LRRC66: variants seen among roughly 807,000 people sequenced by gnomAD.
The protein encoded by LRRC66 is leucine rich repeat containing 66.
A neutral mutation model predicts 24.6 loss-of-function variants in LRRC66; 29 were observed. That is an observed-to-expected ratio of 1.18 (90% CI 0.88 to 1.61). LRRC66 has a LOEUF of 1.61. Among genes scored for constraint, LRRC66 ranks in the 40% most tolerant of loss-of-function variants. LRRC66 has a pLI of 0.00. For missense variants in LRRC66, 1,124 were observed against 1,058.0 expected, an observed-to-expected ratio of 1.06 and a Z score of -0.87; for synonymous variants, 411 against 397.6, an observed-to-expected ratio of 1.03 and a Z score of -0.40.
At chr4:52,016,440 G>A (rs1268611618) in intron 2 of LRRC66, among the ~76,000 whole-genome samples, 1 of 152,036 alleles carries the variant, frequency 6.6e-6, no homozygotes, top group Non-Finnish European at 1.5e-5. Context: ...ATATAAAAAG[G>A]GCAAAGGAAG....
chr4:52,001,734 TC>T (rs1736452319), intron 3 of LRRC66, among the ~76,000 whole-genome samples: 1 of 152,234 alleles, frequency 6.6e-6, no homozygotes, highest in African/African-American at 2.4e-5. Context: ...AAGGCCACGC[TC>T]CCCATCACTG....
chr4:52,018,726 G>T, intron 1 of LRRC66: 1 of 453,242 alleles, frequency 2.2e-6, no homozygotes, highest in Non-Finnish European at 2.9e-6. Context: ...GGTATTCAAA[G>T]CCTGTGTTAT....
At chr4:52,002,523 G>C (rs1340965705) in intron 3 of LRRC66, among the ~76,000 whole-genome samples, 1 of 152,156 alleles carries the variant, frequency 6.6e-6, no homozygotes, top group East Asian at 1.9e-4. Context: ...GAAGCTGCCA[G>C]ACCTGGAACA....
rs549136720 is a variant in LRRC66, at chr4:52,014,708, G to C, written c.496+2410C>G. Among the ~76,000 whole-genome samples, 24 of 152,324 alleles carry C rather than the reference G, an allele frequency of 1.6e-4. No individual in the cohort carries two copies. The East Asian group carries it at 4.2e-3, about 27-fold the overall frequency. ...AAATTGTTAGAGGAGACTCAACCTAGTGAAAACTAATATGATGATTATGGG... is the reference window on the plus strand; with the variant it reads ...AAATTGTTAGAGGAGACTCAACCTACTGAAAACTAATATGATGATTATGGG... On this transcript the variant is annotated intron_variant, in intron 2 of 4. Transcript: ENST00000682860.
chr4:52,001,956 T>C (rs140783315), intron 3 of LRRC66, among the ~76,000 whole-genome samples: 2 of 152,340 alleles, frequency 1.3e-5, no homozygotes, highest in African/African-American at 4.8e-5. Context: ...ACTTATTCAT[T>C]TAACAAGTAT....
rs569828058 is a variant in LRRC66 at position 51,997,886 on chromosome 4, T to C, written c.718A>G (p.Ile240Val). The C allele has an allele frequency of 6.2e-7, 1 of 1,614,144 alleles. No individual in the cohort carries two copies. The highest frequency in any genetic ancestry group is 2.2e-5 in the East Asian group (1 of 44,862). ...ACTAGATGGGGAAATTCTAGAGCTA[T>C]GATCATCATTGGTAGGATGGTAATC... Reference protein sequence around the residue: ...ALITILPMMIIALEFPHLVVD... With the variant: ...ALITILPMMIVALEFPHLVVD... Residue 240 changes from isoleucine (I) to valine (V), a missense_variant, in exon 4 of 5, where the codon ATA becomes GTA. Ile to Val is a conservative substitution (Grantham distance 29, BLOSUM62 3). Transcript: ENST00000682860.
rs749796479 is a variant in LRRC66 at position 51,995,527 on chromosome 4, T to C, written c.1495A>G (p.Ser499Gly). ...GQCGDNTGAG[S>G]GNDGAVYSIL... ...GAATAGACTGCACCATCATTTCCAC[T>C]TCCTGCCCCGGTGTTGTCCCCGCAC... The change falls in exon 5 of 5, where the codon AGT becomes GGT. Residue 499 changes from serine (S) to glycine (G), a missense_variant. By Grantham distance (56) the Ser-to-Gly change is moderately conservative (BLOSUM62 0). Coordinates refer to ENST00000682860, the MANE Select transcript of LRRC66 (RefSeq NM_001024611.3). 2.3e-5 allele frequency: 37 copies of C among 1,614,054 alleles called. No individual in the cohort carries two copies. In the South Asian group the frequency reaches 3.6e-4, roughly 16 times the overall value.
At chr4:52,004,859 A>G (rs1736538002) in intron 2 of LRRC66, among the ~76,000 whole-genome samples, 1 of 152,240 alleles carries the variant, frequency 6.6e-6, no homozygotes, top group South Asian at 2.1e-4. Flanking sequence ...ATTATGGGCA[A>G]GGCAGTCGGT....
At chr4:52,009,819 A>C (rs1736662200) in intron 2 of LRRC66, among the ~76,000 whole-genome samples, 1 of 152,160 alleles carries the variant, frequency 6.6e-6, no homozygotes, top group South Asian at 2.1e-4. Flanking sequence ...AAGAGGAATA[A>C]ATATCTCCCA....
chr4:52,001,767 A>C (rs2110195340), intron 3 of LRRC66, among the ~76,000 whole-genome samples: 1 of 152,302 alleles, frequency 6.6e-6, no homozygotes, highest in Non-Finnish European at 1.5e-5. Flanking sequence ...TCCCTTCTAC[A>C]GAAGAGGGAC....
chr4:51,997,699 C>G (rs923810118), intron 4 of LRRC66, 49 bp downstream of exon 4: 7 of 1,515,804 alleles, frequency 4.6e-6, no homozygotes, highest in Non-Finnish European at 5.5e-6. Context: ...TGTCTATGTG[C>G]ATTTTTCATT....
chr4:52,000,142 GA>G, intron 3 of LRRC66, among the ~76,000 whole-genome samples: 1 of 152,148 alleles, frequency 6.6e-6, no homozygotes, highest in East Asian at 1.9e-4. Context: ...ATGCAGAAGG[GA>G]TATTAGAGGA....
In LRRC66 at chr4:51,994,357, A is replaced by T; in HGVS notation, c.*22T>A. 1.9e-6 allele frequency: 3 copies of T among 1,582,766 alleles called. No individual in the cohort carries two copies. The South Asian group carries it at 3.5e-5, about 18-fold the overall frequency. On this transcript the variant is annotated 3_prime_UTR_variant, in exon 5 of 5. Transcript: ENST00000682860. ...AAAAGAATATTGTTTAGAGCTGTGA[A>T]TATTTCCTTAATGAAAGATTCTTAT...
intron 2 of LRRC66, among the ~76,000 whole-genome samples, chr4:52,012,398 G>C (rs1253488168): frequency 6.6e-6 from 1 of 152,120 alleles, no homozygotes. Flanking sequence ...TACACCTCCT[G>C]AATGAAAACT....
intron 2 of LRRC66, among the ~76,000 whole-genome samples, chr4:52,008,943 T>C (rs1219402909): frequency 6.6e-6 from 1 of 151,900 alleles, no homozygotes; most frequent in Non-Finnish European, 1.5e-5. Context: ...TATATAGGGG[T>C]AAAATGTAGG....
At position 51,995,897 on chromosome 4, in the gene LRRC66, C is replaced by T; in HGVS notation, c.1125G>A (p.Leu375=). The change falls in exon 5 of 5, where the codon CTG becomes CTA. Residue 375 remains leucine, a synonymous_variant. Transcript: ENST00000682860. Reference sequence around the variant, plus strand: ...ACACTGACAGGCACACCGCCAGAGCCAGGTCCTGGGGAGCGTCCTCTTTTT... The same window carrying T: ...ACACTGACAGGCACACCGCCAGAGCTAGGTCCTGGGGAGCGTCCTCTTTTT... ...AGKKEDAPQD[L]ALAVCLSVFI... The T allele has an allele frequency of 2.5e-6, 4 of 1,614,124 alleles. No homozygotes were observed. Among genetic ancestry groups the T allele is most frequent in the Non-Finnish European group, 3.4e-6 (4 of 1,180,016 alleles).
At chr4:51,996,855 C>G (rs1736333762) in intron 4 of LRRC66, among the ~76,000 whole-genome samples, 1 of 152,156 alleles carries the variant, frequency 6.6e-6, no homozygotes, top group African/African-American at 2.4e-5. Context: ...TCTCCTTTCT[C>G]CATAATCTTA....
intron 2 of LRRC66, among the ~76,000 whole-genome samples, chr4:52,013,711 G>C (rs995564629): frequency 2.0e-5 from 3 of 152,182 alleles, no homozygotes; most frequent in Non-Finnish European, 2.9e-5. Context: ...GGGTTAGTTC[G>C]TGTGATATCT....
In LRRC66 at chr4:52,004,835, G is replaced by A. The variant is rs1403696849; in HGVS notation, c.497-1443C>T. Among the ~76,000 whole-genome samples, 5 of 152,174 alleles carry A rather than the reference G, an allele frequency of 3.3e-5. No homozygotes were observed. The East Asian group carries it at 5.8e-4, about 18-fold the overall frequency. On this transcript the variant is annotated intron_variant, in intron 2 of 4. Transcript: ENST00000682860. ...CTAAGCAAGAGATCGTCAGGACGACGAATCAATCAAAACATTATGGGCAAG... is the reference window on the plus strand; with the variant it reads ...CTAAGCAAGAGATCGTCAGGACGACAAATCAATCAAAACATTATGGGCAAG...
Sources: allele counts gnomAD v4.1 joint callset (sites outside exome capture counted in the v4.1 genomes callset), GRCh38; gene constraint gnomAD v4.1.1; transcripts MANE v1.5; gene names NCBI Gene and HGNC (gene_info 2026-07-23, HGNC 2026-07-21).